GALNT14: variants seen among roughly 807,000 people sequenced by gnomAD.
The protein encoded by GALNT14 is UDP-GalNAc:polypeptide N-acetylgalactosaminyltransferase 14.
In GALNT14, 60 loss-of-function variants were observed where a neutral mutation model predicts 77.5. The ratio of observed to expected loss-of-function variants is 0.77; its 90% CI spans 0.63 to 0.96. The LOEUF (loss-of-function observed/expected upper bound fraction) is 0.96, where lower values mean the gene tolerates loss of function less well. Among genes scored for constraint, GALNT14 ranks in the 40% least tolerant of loss-of-function variants. The probability of loss-of-function intolerance (pLI) is 0.00; values close to 1 mark genes in which losing one functional copy is unlikely to be tolerated. For missense variants in GALNT14, 710 were observed against 731.0 expected, an observed-to-expected ratio of 0.97 and a Z score of 0.33; for synonymous variants, 280 against 281.7, an observed-to-expected ratio of 0.99 and a Z score of 0.06.
intron 3 of GALNT14, among the ~76,000 whole-genome samples, chr2:30,959,774 G>A (rs770288576): frequency 4.1e-4 from 63 of 152,260 alleles, no homozygotes; most frequent in African/African-American, 1.3e-3. Context: ...CCAGGGGCAA[G>A]GTTAACTCTG....
intron 1 of GALNT14, among the ~76,000 whole-genome samples, chr2:31,001,548 G>T (rs973116766): frequency 1.3e-5 from 2 of 152,148 alleles, no homozygotes; most frequent in Non-Finnish European, 2.9e-5. Context: ...AGAAGCAAAT[G>T]TAAGTCCTAT....
At chr2:30,913,141 C>T (rs1229659094) in intron 13 of GALNT14, among the ~76,000 whole-genome samples, 1 of 150,954 alleles carries the variant, frequency 6.6e-6, no homozygotes, top group African/African-American at 2.4e-5. Context: ...GATTATGAAG[C>T]CACAAGCACT....
At chr2:31,104,491 C>A (rs1677451772) in intron 1 of GALNT14, among the ~76,000 whole-genome samples, 1 of 152,144 alleles carries the variant, frequency 6.6e-6, no homozygotes, top group Admixed American at 6.5e-5. Flanking sequence ...TGATACAGCA[C>A]AGACCCAGTC....
the GALNT14 span, among the ~76,000 whole-genome samples, chr2:30,900,427 T>C: frequency 6.6e-6 from 1 of 152,252 alleles, no homozygotes; most frequent in African/African-American, 2.4e-5. Flanking sequence ...CCTCTGTTTC[T>C]GCTTTTGCTG....
At chr2:30,964,967 CAT>C (rs1411511226) in intron 3 of GALNT14, among the ~76,000 whole-genome samples, 14 of 152,138 alleles carry the variant, frequency 9.2e-5, no homozygotes, top group Admixed American at 8.5e-4. Flanking sequence ...CTCTCTGACC[CAT>C]GTTTCATCAT....
At chr2:31,071,191 A>G (rs1265648586) in intron 1 of GALNT14, among the ~76,000 whole-genome samples, 1 of 152,148 alleles carries the variant, frequency 6.6e-6, no homozygotes, top group Non-Finnish European at 1.5e-5. Context: ...CTCACAAATC[A>G]CCACTAAAGA....
chr2:30,917,168 C>T (rs1027648675), intron 13 of GALNT14, among the ~76,000 whole-genome samples: 6 of 150,782 alleles, frequency 4.0e-5, no homozygotes, highest in Non-Finnish European at 8.8e-5. Context: ...TGGCCCAGGG[C>T]CCCTGCCTCT....
intron 1 of GALNT14, among the ~76,000 whole-genome samples, chr2:31,074,214 G>A (rs879479335): frequency 1.1e-4 from 17 of 152,010 alleles, no homozygotes; most frequent in Admixed American, 2.0e-4. Flanking sequence ...CAAAGCACAC[G>A]GCCTGCAGAG....
At chr2:31,017,226 T>C (rs1671425128) in intron 1 of GALNT14, among the ~76,000 whole-genome samples, 3 of 152,336 alleles carry the variant, frequency 2.0e-5, no homozygotes, top group Admixed American at 6.5e-5. Flanking sequence ...ACTTGGCCCC[T>C]GGCCCCTTGC....
chr2:31,014,457 C>A (rs1395534039), intron 1 of GALNT14, among the ~76,000 whole-genome samples: 1 of 152,176 alleles, frequency 6.6e-6, no homozygotes, highest in South Asian at 2.1e-4. Context: ...TTCCCCAGGA[C>A]TGAGGCAGAG....
At chr2:30,897,696 G>A in the GALNT14 span, among the ~76,000 whole-genome samples, 2 of 152,226 alleles carry the variant, frequency 1.3e-5, no homozygotes, top group African/African-American at 4.8e-5. Context: ...ACAGGGCTCA[G>A]CAGAGGAGGC....
chr2:30,893,094 G>A, the GALNT14 span, among the ~76,000 whole-genome samples: 1 of 152,062 alleles, frequency 6.6e-6, no homozygotes, highest in Non-Finnish European at 1.5e-5. Flanking sequence ...ACAAAGAAAT[G>A]AAAAAGAAGT....
At chr2:31,097,126 GGATAACTA>G (rs1468438261) in intron 1 of GALNT14, among the ~76,000 whole-genome samples, 1 of 152,048 alleles carries the variant, frequency 6.6e-6, no homozygotes, top group Non-Finnish European at 1.5e-5. Flanking sequence ...ATGTGAGATA[GGATAACTA>G]GATACAGTGA....
At chr2:31,094,037 G>A (rs762550568) in intron 1 of GALNT14, among the ~76,000 whole-genome samples, 8 of 152,136 alleles carry the variant, frequency 5.3e-5, no homozygotes, top group South Asian at 2.1e-4. Flanking sequence ...CATGCCCTGC[G>A]ACCTGCACGT....
chr2:31,042,403 G>C (rs1369952541), intron 1 of GALNT14, among the ~76,000 whole-genome samples: 3 of 152,158 alleles, frequency 2.0e-5, no homozygotes, highest in Non-Finnish European at 4.4e-5. Flanking sequence ...GAATCATAAA[G>C]GGAATACTGA....
rs1478911162 is a variant in GALNT14, at chr2:30,955,714, GC to G, written c.557del (p.Gly186AlafsTer10). The stretch of plus-strand genomic sequence containing the variant: ...GAGTGGTGCCCTGGGCGATGTCAGC[GC>G]CCCGAATCCGGGACCGGACCAGACC... ...RQGLVRSRIRGADIAQGTTLT... is the reference protein window; with the variant it reads ...RQGLVRSRIRXADIAQGTTLT... On this transcript the variant is annotated frameshift_variant, in exon 6 of 15. Transcript: ENST00000349752. LOFTEE classifies it high-confidence loss of function. 1 of 1,614,124 alleles carries G rather than the reference GC, an allele frequency of 6.2e-7. No individual in the cohort carries two copies. The highest frequency in any genetic ancestry group is 8.5e-7 in the Non-Finnish European group (1 of 1,180,030).
intron 13 of GALNT14, among the ~76,000 whole-genome samples, chr2:30,912,707 T>C (rs1234475332): frequency 6.6e-6 from 1 of 152,118 alleles, no homozygotes; most frequent in Non-Finnish European, 1.5e-5. Context: ...TTCCCAGCAC[T>C]TGACATTTCA....
intron 1 of GALNT14, among the ~76,000 whole-genome samples, chr2:31,074,076 G>A (rs1675601100): frequency 6.6e-6 from 1 of 152,200 alleles, no homozygotes; most frequent in East Asian, 1.9e-4. Flanking sequence ...AGAGGTAAAT[G>A]TGGATGAGAA....
At chr2:30,926,714 C>G (rs941573494) in intron 11 of GALNT14, among the ~76,000 whole-genome samples, 21 of 148,474 alleles carry the variant, frequency 1.4e-4, no homozygotes, top group African/African-American at 4.8e-4. Context: ...CTGCAGAGTT[C>G]TGGAAGCCTA....
Sources: gnomAD v4.1 joint callset for allele counts (sites outside exome capture counted in the v4.1 genomes callset) on GRCh38, gnomAD v4.1.1 for gene constraint, MANE v1.5 for transcripts, NCBI Gene and HGNC (gene_info 2026-07-23, HGNC 2026-07-21) for gene names.